Variants in RCBTB1 observed in about 807,000 individuals in gnomAD.
The protein encoded by RCBTB1 is RCC1 and BTB domain-containing protein 1.
In RCBTB1, 46 loss-of-function variants were observed where a neutral mutation model predicts 62.4. That is an observed-to-expected ratio of 0.74 (90% confidence interval 0.58 to 0.94). RCBTB1 has a LOEUF of 0.94. Ranked by LOEUF, RCBTB1 falls within the 40% of genes least tolerant of loss-of-function variation. The pLI, the probability that RCBTB1 is intolerant of heterozygous loss-of-function variation, is 0.00. For synonymous variants in RCBTB1, 222 were observed against 245.8 expected (o/e 0.90, Z 0.91); for missense variants, 565 against 654.9 (o/e 0.86, Z 1.50).
At chr13:49,566,336 A>G (rs910104445) in intron 4 of RCBTB1, among the ~76,000 whole-genome samples, 1 of 152,154 alleles carries the variant, frequency 6.6e-6, no homozygotes, top group African/African-American at 2.4e-5. Flanking sequence ...AATCCACTGA[A>G]AAATTAGGCT....
intron 12 of RCBTB1, among the ~76,000 whole-genome samples, chr13:49,536,374 G>C (rs1288141188): frequency 1.3e-5 from 2 of 152,200 alleles, no homozygotes; most frequent in Non-Finnish European, 2.9e-5. Flanking sequence ...GAACCACTTA[G>C]CAACCAGTGC....
intron 12 of RCBTB1, among the ~76,000 whole-genome samples, chr13:49,534,686 T>A (rs1391104018): frequency 2.6e-5 from 4 of 152,146 alleles, no homozygotes; most frequent in Non-Finnish European, 5.9e-5. Context: ...GTGGGTTAGT[T>A]TAAGAAACAG....
Position 49,566,579 on chromosome 13 carries a change from T to G in RCBTB1, c.277+39A>C, listed in dbSNP as rs559230856. 9.4e-6 allele frequency: 15 copies of G among 1,595,472 alleles called. No individual in the cohort carries two copies. In the East Asian group the frequency reaches 3.4e-4, roughly 36 times the overall value. ...CTAAGCTTAGAATTAACCGGTCAATTTCTTACAAACTGAAAAGTTAGATGG... is the reference window on the plus strand; with the variant it reads ...CTAAGCTTAGAATTAACCGGTCAATGTCTTACAAACTGAAAAGTTAGATGG... On this transcript the variant is annotated intron_variant, in intron 4 of 12. Coordinates refer to ENST00000378302, the MANE Select transcript of RCBTB1 (RefSeq NM_018191.4).
At chr13:49,564,156 G>A (rs1962704689) in intron 4 of RCBTB1, among the ~76,000 whole-genome samples, 3 of 152,138 alleles carry the variant, frequency 2.0e-5, no homozygotes, top group Admixed American at 2.0e-4. Flanking sequence ...AGTAAAAAAG[G>A]ACAAGAACCT....
At position 49,560,091 on chromosome 13, in the gene RCBTB1, A is replaced by T; in HGVS notation, c.278-7T>A. 4 of 1,605,934 alleles carry T rather than the reference A, an allele frequency of 2.5e-6. No individual in the cohort carries two copies. The highest frequency in any genetic ancestry group is 2.5e-6 in the Non-Finnish European group (3 of 1,177,418). ...CAGGCATAAACCACTCCATCTGTGC[A>T]CACAAAGCACACAAAAAATCAGCTC... On this transcript the variant is annotated splice_polypyrimidine_tract_variant and splice_region_variant and intron_variant, in intron 4 of 12. Transcript: ENST00000378302.
intron 1 of RCBTB1, among the ~76,000 whole-genome samples, chr13:49,585,036 G>A (rs1195083479): frequency 1.3e-5 from 2 of 152,306 alleles, no homozygotes; most frequent in East Asian, 3.9e-4. Context: ...GGAGACGAAG[G>A]AGAGATGCTA....
intron 2 of RCBTB1, among the ~76,000 whole-genome samples, chr13:49,577,049 T>C (rs1007315610): frequency 6.6e-6 from 1 of 152,212 alleles, no homozygotes; most frequent in Non-Finnish European, 1.5e-5. Flanking sequence ...CAGATCAATA[T>C]CCCATTCCCT....
Position 49,567,302 on chromosome 13 carries a change from T to G in RCBTB1, c.-23A>C, listed in dbSNP as rs762112398. The G allele has an allele frequency of 6.2e-7, 1 of 1,611,906 alleles. No individual in the cohort carries two copies. Among genetic ancestry groups the G allele is most frequent in the South Asian group, 1.1e-5 (1 of 90,890 alleles). ...CATGACTCTGGCTTCAAGCAATTCC[T>G]ATAAATAAGCCGACATCTCTGCTGG... On this transcript the variant is annotated 5_prime_UTR_variant, in exon 3 of 13. It removes the in-frame stop codon of an upstream open reading frame in the 5' UTR. Coordinates refer to ENST00000378302, the MANE Select transcript of RCBTB1 (RefSeq NM_018191.4).
chr13:49,561,816 A>G (rs1962447851), intron 4 of RCBTB1, among the ~76,000 whole-genome samples: 1 of 151,940 alleles, frequency 6.6e-6, no homozygotes, highest in Non-Finnish European at 1.5e-5. Context: ...ACAAGTTTCT[A>G]TGAGGCTGGG....
chr13:49,547,098 G>A (rs902070193), intron 9 of RCBTB1: 2 of 1,283,192 alleles, frequency 1.6e-6, no homozygotes, highest in South Asian at 2.5e-5. Flanking sequence ...CTTCAGCTGG[G>A]TATGCCATAC....
intron 2 of RCBTB1, among the ~76,000 whole-genome samples, chr13:49,568,670 C>A (rs898953652): frequency 6.6e-6 from 1 of 151,764 alleles, no homozygotes; most frequent in Admixed American, 6.6e-5. Flanking sequence ...GTGGCTCACA[C>A]CTGTAATCCC....
chr13:49,571,122 G>A (rs1035742758), intron 2 of RCBTB1, among the ~76,000 whole-genome samples: 9 of 152,110 alleles, frequency 5.9e-5, no homozygotes, highest in Non-Finnish European at 1.0e-4. Context: ...CGAGGCGGGC[G>A]GACCACCTGA....
intron 7 of RCBTB1, 114 bp from the exon 8 acceptor site, chr13:49,551,582 G>C (rs1219167070): frequency 1.7e-6 from 2 of 1,179,372 alleles, no homozygotes; most frequent in Non-Finnish European, 1.2e-6. Context: ...ATCAGGGGTG[G>C]ACTGACATTT....
intron 2 of RCBTB1, among the ~76,000 whole-genome samples, chr13:49,576,177 C>CAAAAAA (rs71078868): frequency 2.5e-4 from 10 of 39,982 alleles, no homozygotes; most frequent in African/African-American, 5.1e-4. Context: ...ACAGGCGTCG[C>CAAAAAA]AAAAAAAAAA....
At chr13:49,560,121 A>T (rs1403643182) in intron 4 of RCBTB1, 37 bp from the exon 5 acceptor site, 1 of 1,601,934 alleles carries the variant, frequency 6.2e-7, no homozygotes, top group Non-Finnish European at 8.5e-7. Flanking sequence ...CAGCTCCAAA[A>T]AGAAATAGTA....
chr13:49,563,355 CAAAAAAAAAAAAAAAA>C (rs57586924), intron 4 of RCBTB1, among the ~76,000 whole-genome samples: 1 of 52,208 alleles, frequency 1.9e-5, no homozygotes, highest in Non-Finnish European at 3.3e-5. Flanking sequence ...GACCCTGCCT[CAAAAAAAAAAAAAAAA>C]AAAAAAAAAG....
chr13:49,549,718 A>T lies in RCBTB1; in HGVS notation c.855-70T>A, dbSNP rs1474973874. On this transcript the variant is annotated intron_variant, in intron 8 of 12. Coordinates refer to ENST00000378302, the MANE Select transcript of RCBTB1 (RefSeq NM_018191.4). ...AGCCCACAGCACACCACACAAGGCA[A>T]TTTAAAAGTTCATGCTTGCAATACC... 6 of 1,510,158 alleles carry T rather than the reference A, an allele frequency of 4.0e-6. No individual in the cohort carries two copies. In the Admixed American group the frequency reaches 1.3e-4, roughly 33 times the overall value. The allele number at this position is 1,510,158 out of a possible 1,614,324, so 93.5% of individuals were successfully genotyped here.
chr13:49,555,332 T>C (rs960220046), intron 6 of RCBTB1, among the ~76,000 whole-genome samples, 183 bp downstream of exon 6: 1 of 152,234 alleles, frequency 6.6e-6, no homozygotes, highest in Non-Finnish European at 1.5e-5. Flanking sequence ...TCCTGGAATT[T>C]AGAAAAGTCA....
intron 5 of RCBTB1, among the ~76,000 whole-genome samples, chr13:49,556,951 G>A (rs573807397): frequency 8.0e-4 from 122 of 152,266 alleles, no homozygotes; most frequent in Admixed American, 5.0e-3. Context: ...ACATTCCCTT[G>A]CAGTGCTGCT....
Sources: gnomAD v4.1 joint callset for allele counts (sites outside exome capture counted in the v4.1 genomes callset) on GRCh38, gnomAD v4.1.1 for gene constraint, MANE v1.5 for transcripts, NCBI Gene and HGNC (gene_info 2026-07-23, HGNC 2026-07-21) for gene names.